The following UQCR11 variants were observed in gnomAD, a reference collection of about 807,000 sequenced individuals.
The protein encoded by UQCR11 is ubiquinol-cytochrome c reductase, complex III subunit XI, also known as cytochrome b-c1 complex subunit 10.
UQCR11 carries 10 observed loss-of-function variants against 7.6 expected under a neutral mutation model. That is an observed-to-expected ratio of 1.31 (90% CI 0.81 to 2.22). UQCR11 has a LOEUF of 2.22. Among genes scored for constraint, UQCR11 ranks in the 30% most tolerant of loss-of-function variants. The probability of loss-of-function intolerance (pLI) is 0.00; values close to 1 mark genes in which losing one functional copy is unlikely to be tolerated. For missense variants in UQCR11, 86 were observed against 75.1 expected (o/e 1.15, Z -0.54); for synonymous variants, 34 against 34.9 (o/e 0.97, Z 0.09).
At chr19:1,603,162 G>A (rs1004586081) in intron 1 of UQCR11, among the ~76,000 whole-genome samples, 32 of 152,288 alleles carry the variant, frequency 2.1e-4, no homozygotes, top group African/African-American at 7.5e-4. Flanking sequence ...GCACGCACGT[G>A]TCTGCACCCC....
At chr19:1,601,186 T>A (rs1479382430) in intron 1 of UQCR11, among the ~76,000 whole-genome samples, 1 of 152,032 alleles carries the variant, frequency 6.6e-6, no homozygotes, top group Admixed American at 6.6e-5. Flanking sequence ...AGAAAAAGAC[T>A]GGCTTCCATC....
At chr19:1,600,204 GGCT>G (rs1193924397) in intron 1 of UQCR11, among the ~76,000 whole-genome samples, 24 of 151,258 alleles carry the variant, frequency 1.6e-4, no homozygotes, top group Non-Finnish European at 3.2e-4. Flanking sequence ...CTTGGGCACA[GGCT>G]TCTTTTTTTT....
intron 1 of UQCR11, among the ~76,000 whole-genome samples, chr19:1,603,157 C>T (rs952744194): frequency 3.9e-5 from 6 of 152,236 alleles, no homozygotes; most frequent in Admixed American, 3.9e-4. Flanking sequence ...CCCTCGCACG[C>T]ACGTGTCTGC....
intron 1 of UQCR11, among the ~76,000 whole-genome samples, chr19:1,600,176 G>T (rs888880323): frequency 1.3e-5 from 2 of 151,230 alleles, no homozygotes; most frequent in African/African-American, 4.9e-5. Context: ...TGGCGTTTAC[G>T]CCCTCGCACA....
rs369272643 is a variant in UQCR11, at chr19:1,598,665, C to T, written c.*29-450G>A. On this transcript the variant is annotated intron_variant, in intron 2 of 2. Coordinates refer to ENST00000591899, the MANE Select transcript of UQCR11 (RefSeq NM_006830.4). ...GGCAGAGGGTGCAGTGAGCTGAGAT[C>T]GCGCCACCGTATTCCAGTCTGGCAA... Among the ~76,000 whole-genome samples the T allele has an allele frequency of 1.6e-4, 24 of 152,152 alleles. 1 individual carries two copies. The East Asian group carries it at 1.9e-3, about 12-fold the overall frequency.
chr19:1,605,449 G>A lies in UQCR11; in HGVS notation c.-40C>T, dbSNP rs1160902920. The A allele has an allele frequency of 7.7e-7, 1 of 1,307,166 alleles. No homozygotes were observed. Among genetic ancestry groups the A allele is most frequent in the Non-Finnish European group, 9.9e-7 (1 of 1,006,576 alleles). The allele number at this position is 1,307,166 out of a possible 1,614,324, so 81.0% of individuals were successfully genotyped here. ...ACCCTCAGGATGACCCTGTCCAGCT[G>A]ACCCGGCTACACTGCGCAGGCGCGG... is the stretch of plus-strand genomic sequence containing the variant. On this transcript the variant is annotated 5_prime_UTR_variant, in exon 1 of 3. Coordinates refer to ENST00000591899, the MANE Select transcript of UQCR11 (RefSeq NM_006830.4).
At chr19:1,604,520 C>A (rs1173852483) in intron 1 of UQCR11, among the ~76,000 whole-genome samples, 1 of 150,354 alleles carries the variant, frequency 6.7e-6, no homozygotes, top group South Asian at 2.1e-4. Context: ...TAAGACCTTG[C>A]TGCTTTTTTT....
At chr19:1,599,203 TCA>T in intron 2 of UQCR11, 2 of 562,372 alleles carry the variant, frequency 3.6e-6, no homozygotes, top group Non-Finnish European at 6.1e-6. Context: ...CACACCCCAA[TCA>T]CACAACCCAA....
chr19:1,602,467 T>C (rs1260147878), intron 1 of UQCR11: 1 of 152,148 alleles, frequency 6.6e-6, no homozygotes, highest in African/African-American at 2.4e-5. Context: ...TATTATTTAT[T>C]TTGAGATAGA....
At chr19:1,599,726 C>T (rs575203093) in intron 1 of UQCR11, among the ~76,000 whole-genome samples, 166 bp from the exon 2 acceptor site, 1 of 152,384 alleles carries the variant, frequency 6.6e-6, no homozygotes, top group East Asian at 1.9e-4. Context: ...GCAGCACAGG[C>T]CCTGCCCATG....
intron 2 of UQCR11, 189 bp downstream of exon 2, chr19:1,599,223 G>A: frequency 1.5e-6 from 1 of 661,342 alleles, no homozygotes; most frequent in South Asian, 1.9e-5. Context: ...CAAGGCTGCG[G>A]GGCGGACAGT....
At chr19:1,600,266 T>G (rs1338699229) in intron 1 of UQCR11, among the ~76,000 whole-genome samples, 1 of 142,568 alleles carries the variant, frequency 7.0e-6, no homozygotes, top group African/African-American at 2.7e-5. Flanking sequence ...CAAGCTGGAG[T>G]GCAGTGGCGT....
Position 1,599,445 on chromosome 19 carries a change from T to G in UQCR11, c.166A>C (p.Asn56His). 6.2e-7 allele frequency: 1 copy of G among 1,613,760 alleles called. No individual in the cohort carries two copies. The highest frequency in any genetic ancestry group is 8.5e-7 in the Non-Finnish European group (1 of 1,179,942). The change falls in exon 2 of 3, where the codon AAT becomes CAT. Residue 56 changes from asparagine (N) to histidine (H), a missense_variant. By Grantham distance (68) the Asn-to-His change is moderately conservative (BLOSUM62 1). Coordinates refer to ENST00000591899, the MANE Select transcript of UQCR11 (RefSeq NM_006830.4). ...TCTGTGAAGGGTTTGTGTAATTAAT[T>G]ATCCTTCTTAAACTTGCCATTGATG... ...PYINGKFKKD[N>H]
At position 1,597,444 on chromosome 19, in the gene UQCR11, C is replaced by T. The variant is rs1220602683; in HGVS notation, c.*800G>A. 6.6e-6 allele frequency: 1 copy of T among 152,330 alleles called. No individual in the cohort carries two copies. The highest frequency in any genetic ancestry group is 2.4e-5 in the African/African-American group (1 of 41,452). The allele number at this position is 152,330 out of a possible 1,614,324, so 9.4% of individuals were successfully genotyped here. On this transcript the variant is annotated 3_prime_UTR_variant, in exon 3 of 3. Coordinates refer to ENST00000591899, the MANE Select transcript of UQCR11 (RefSeq NM_006830.4). ...TCCTCCCTCTGCACGTGGGCTGGGC[C>T]TGGGGGGCTTGCTTTTGATAAACAG...
At chr19:1,598,493 A>G (rs1311405505) in intron 2 of UQCR11, among the ~76,000 whole-genome samples, 1 of 151,940 alleles carries the variant, frequency 6.6e-6, no homozygotes, top group Non-Finnish European at 1.5e-5. Context: ...GCAGTGCGCC[A>G]AGATCGCGTC....
chr19:1,603,143 C>T (rs1367061937), intron 1 of UQCR11, among the ~76,000 whole-genome samples: 3 of 152,210 alleles, frequency 2.0e-5, no homozygotes, highest in Admixed American at 6.5e-5. Context: ...CAGCCCTGCA[C>T]GGCCCCTCGC....
intron 1 of UQCR11, among the ~76,000 whole-genome samples, chr19:1,600,445 C>A (rs1232527907): frequency 6.6e-6 from 1 of 152,098 alleles, no homozygotes; most frequent in East Asian, 1.9e-4. Flanking sequence ...AATCTCCTGA[C>A]CTCGTGATCC....
chr19:1,605,392 C>A lies in UQCR11; in HGVS notation c.18G>T (p.Leu6=). The change falls in exon 1 of 3, where the codon CTG becomes CTT. Residue 6 remains leucine, a synonymous_variant. Coordinates refer to ENST00000591899, the MANE Select transcript of UQCR11 (RefSeq NM_006830.4). ...TGACCAGCTCCCGGTAGCGTGGGCC[C>A]AGGAACCGGGTCACCATCGCGGCGG... MVTRF[L]GPRYRELVKN... is the part of the protein sequence containing the mutation. 6.3e-7 allele frequency: 1 copy of A among 1,577,036 alleles called. No individual in the cohort carries two copies. The highest frequency in any genetic ancestry group is 8.6e-7 in the Non-Finnish European group (1 of 1,166,360).
chr19:1,604,402 G>A (rs1008702735), intron 1 of UQCR11, among the ~76,000 whole-genome samples: 1 of 152,060 alleles, frequency 6.6e-6, no homozygotes, highest in African/African-American at 2.4e-5. Context: ...GTAGAGATGG[G>A]GTTTCATTGT....
Sources: allele counts gnomAD v4.1 joint callset (sites outside exome capture counted in the v4.1 genomes callset), GRCh38; gene constraint gnomAD v4.1.1; transcripts MANE v1.5; gene names NCBI Gene and HGNC (gene_info 2026-07-23, HGNC 2026-07-21).